ZNF705A: variants seen among roughly 807,000 people sequenced by gnomAD.
ZNF705A encodes the protein zinc finger protein 705A.
ZNF705A carries 8 observed loss-of-function variants against 16.6 expected under a neutral mutation model. The observed-to-expected ratio is 0.48, with a 90% CI of 0.28 to 0.87. The LOEUF is 0.87. ZNF705A is among the 40% of genes least tolerant of loss of function. ZNF705A has a pLI of 0.10. For synonymous variants in ZNF705A, 73 were observed against 117.3 expected, an observed-to-expected ratio of 0.62 and a Z score of 2.44; for missense variants, 233 against 359.9, an observed-to-expected ratio of 0.65 and a Z score of 2.85.
intron 1 of ZNF705A, among the ~76,000 whole-genome samples, chr12:8,166,388 G>A (rs1462222033): frequency 6.6e-6 from 1 of 152,168 alleles, no homozygotes; most frequent in Non-Finnish European, 1.5e-5. Context: ...CCCACATGTT[G>A]TGGGGGGACC....
upstream of ZNF705A, among the ~76,000 whole-genome samples, chr12:8,171,906 T>C (rs1948448445): frequency 6.6e-6 from 1 of 152,166 alleles, no homozygotes; most frequent in South Asian, 2.1e-4. Flanking sequence ...CCAGTTAATT[T>C]TTGTATTTTC....
chr12:8,174,614 A>G (rs889710125), intron 2 of ZNF705A, among the ~76,000 whole-genome samples, 162 bp downstream of exon 3: 1 of 152,176 alleles, frequency 6.6e-6, no homozygotes, highest in Non-Finnish European at 1.5e-5. Flanking sequence ...TCTGAAATAA[A>G]TATCTTTCTT....
exon 5 of ZNF705A, chr12:8,177,451 A>G: frequency 6.2e-7 from 1 of 1,612,196 alleles, no homozygotes; most frequent in Non-Finnish European, 8.5e-7. Context: ...AGTGTTATGA[A>G]TGTGATAAAA....
chr12:8,171,019 A>G (rs1425186154), upstream of ZNF705A, among the ~76,000 whole-genome samples: 1 of 152,202 alleles, frequency 6.6e-6, no homozygotes, highest in East Asian at 1.9e-4. Context: ...GACAGGCAGA[A>G]TATAATTAAA....
chr12:8,159,569 G>A (rs1948336494), intron 1 of ZNF705A, among the ~76,000 whole-genome samples: 1 of 152,022 alleles, frequency 6.6e-6, no homozygotes, highest in Admixed American at 6.6e-5. Flanking sequence ...GTGATGCTGA[G>A]GATTTTTTTT....
chr12:8,169,201 A>G (rs930113918), upstream of ZNF705A, among the ~76,000 whole-genome samples: 9 of 152,178 alleles, frequency 5.9e-5, no homozygotes, highest in Non-Finnish European at 2.9e-5. Flanking sequence ...TGCAGTGTTC[A>G]TTATGCACTT....
At chr12:8,163,828 G>A (rs777753456) in intron 1 of ZNF705A, among the ~76,000 whole-genome samples, 10 of 152,168 alleles carry the variant, frequency 6.6e-5, no homozygotes, top group Non-Finnish European at 1.3e-4. Flanking sequence ...CCAGGCAGCA[G>A]GAAGGAAAAA....
intron 1 of ZNF705A, 51 bp downstream of exon 2, chr12:8,172,688 A>G (rs1287119423): frequency 2.0e-5 from 32 of 1,592,610 alleles, no homozygotes; most frequent in Non-Finnish European, 2.6e-5. Context: ...ATTGCTGGCA[A>G]GTGGGCATTT....
chr12:8,166,253 C>T (rs1347300512), intron 1 of ZNF705A, among the ~76,000 whole-genome samples: 1 of 152,186 alleles, frequency 6.6e-6, no homozygotes, highest in Non-Finnish European at 1.5e-5. Context: ...AGTCTCCACC[C>T]CAGCAGACTT....
At chr12:8,159,165 G>C (rs1948333614) in intron 1 of ZNF705A, among the ~76,000 whole-genome samples, 1 of 152,122 alleles carries the variant, frequency 6.6e-6, no homozygotes, top group African/African-American at 2.4e-5. Context: ...TGGCTGAGTA[G>C]TATTCCATGG....
intron 1 of ZNF705A, among the ~76,000 whole-genome samples, chr12:8,160,450 A>G (rs1948344209): frequency 1.3e-5 from 2 of 152,156 alleles, no homozygotes; most frequent in South Asian, 2.1e-4. Flanking sequence ...CTACCCATCC[A>G]TGAGCATGGG....
chr12:8,177,433 T>C (rs1188574426), exon 5 of ZNF705A: 3 of 1,611,962 alleles, frequency 1.9e-6, no homozygotes, highest in Admixed American at 1.7e-5. Context: ...GAACTCACCT[T>C]GGAAAAAAGT....
rs965650916 is a variant in ZNF705A, at chr12:8,173,598, G to A, written c.13-728G>A. 6.1e-4 allele frequency among the ~76,000 whole-genome samples: 93 copies of A among 152,222 alleles called. No individual in the cohort carries two copies. The South Asian group carries it at 0.01, about 17-fold the overall frequency. On this transcript the variant is annotated intron_variant, in intron 1 of 4. Coordinates refer to ENST00000359286, the Ensembl canonical transcript of ZNF705A. ...ATTTCCTCAGTATAGCAGCCTCAGC[G>A]GTCTTGTCTTGTGCTGCTAGACTGT...
intron 1 of ZNF705A, among the ~76,000 whole-genome samples, chr12:8,161,712 C>T (rs35982153): frequency 0.061 from 9,270 of 152,142 alleles, 383 homozygotes; most frequent in Non-Finnish European, 0.097. Context: ...CCTAGCTTTA[C>T]CCTCCTTAGG....
At chr12:8,174,747 A>G (rs891613136) in intron 2 of ZNF705A, among the ~76,000 whole-genome samples, 6 of 152,338 alleles carry the variant, frequency 3.9e-5, no homozygotes, top group Middle Eastern at 3.4e-3. Context: ...GAATATTTTC[A>G]ATGTATTAAA....
At chr12:8,167,286 A>C (rs1276505349) in intron 1 of ZNF705A, among the ~76,000 whole-genome samples, 2 of 152,120 alleles carry the variant, frequency 1.3e-5, no homozygotes, top group South Asian at 2.1e-4. Context: ...TAATCTTCAC[A>C]TTTTTACTTC....
At chr12:8,177,362 T>C (rs761090449) in exon 5 of ZNF705A, 4 of 1,612,000 alleles carry the variant, frequency 2.5e-6, no homozygotes, top group South Asian at 2.2e-5. Context: ...AGAGAGACCA[T>C]ATAAGTGTCA....
intron 1 of ZNF705A, among the ~76,000 whole-genome samples, 172 bp from the exon 3 acceptor site, chr12:8,174,153 CT>C (rs1036739097): frequency 6.6e-6 from 1 of 152,192 alleles, no homozygotes; most frequent in Non-Finnish European, 1.5e-5. Flanking sequence ...GGGTATATCT[CT>C]GTGAGTGAAT....
upstream of ZNF705A, among the ~76,000 whole-genome samples, chr12:8,170,910 AATG>A (rs1295604724): frequency 6.6e-6 from 1 of 152,230 alleles, no homozygotes; most frequent in African/African-American, 2.4e-5. Context: ...AAATAGACAC[AATG>A]ATGTTTGGGA....
Sources: gnomAD v4.1 joint callset for allele counts (sites outside exome capture counted in the v4.1 genomes callset) on GRCh38, gnomAD v4.1.1 for gene constraint, MANE v1.5 for transcripts, NCBI Gene and HGNC (gene_info 2026-07-23, HGNC 2026-07-21) for gene names.